TFAP2D: variants seen among roughly 807,000 people sequenced by gnomAD.
The protein encoded by TFAP2D is transcription factor AP-2-delta.
TFAP2D carries 9 observed loss-of-function variants against 43.6 expected under a neutral mutation model. The ratio of observed to expected loss-of-function variants is 0.21; its 90% confidence interval spans 0.12 to 0.36. The LOEUF (loss-of-function observed/expected upper bound fraction) is 0.36. Among genes scored for constraint, TFAP2D ranks in the 10% least tolerant of loss-of-function variants. TFAP2D has a pLI of 1.00. For missense variants in TFAP2D, 513 were observed against 561.4 expected (o/e 0.91, Z 0.87); for synonymous variants, 256 against 224.9 (o/e 1.14, Z -1.24).
chr6:50,733,739 C>T (rs1768925129), intron 5 of TFAP2D, among the ~76,000 whole-genome samples: 1 of 151,994 alleles, frequency 6.6e-6, no homozygotes, highest in South Asian at 2.1e-4. Context: ...CATATCACTC[C>T]CTTCTTATCT....
intron 1 of TFAP2D, among the ~76,000 whole-genome samples, chr6:50,714,578 A>T (rs1404860760): frequency 6.6e-6 from 1 of 152,186 alleles, no homozygotes; most frequent in Non-Finnish European, 1.5e-5. Context: ...CGATTTGCAC[A>T]GACTGGATTT....
Position 50,715,447 on chromosome 6 carries a change from C to T in TFAP2D, c.371C>T (p.Ser124Leu). Residue 124 changes from serine to leucine, a missense_variant, in exon 2 of 8, where the codon TCG becomes TTG. Transcript: ENST00000008391. Reference protein sequence around the residue: ...INLHNARALKSSCLDEQRREL... With the variant: ...INLHNARALKLSCLDEQRREL... ...CTGCACAATGCGCGGGCGCTCAAGT[C>T]GTCCTGCCTGGACGAGCAGAGGCGG... The T allele has an allele frequency of 6.2e-7, 1 of 1,614,162 alleles. No homozygotes were observed. Among genetic ancestry groups the T allele is most frequent in the Non-Finnish European group, 8.5e-7 (1 of 1,180,038 alleles).
chr6:50,768,273 C>CTT lies in TFAP2D; in HGVS notation c.1140-4357_1140-4356dup, dbSNP rs67686384. On this transcript the variant is annotated intron_variant, in intron 7 of 7. Transcript: ENST00000008391. ...AGTCAGACCTTCTATTTCTAATTTT[C>CTT]TTTTTTTTTTTTTTTTGGAGATTCT... 1.7e-3 allele frequency among the ~76,000 whole-genome samples: 129 copies of CTT among 77,258 alleles called. 1 individual carries two copies. Among genetic ancestry groups the CTT allele is most frequent in the South Asian group, 2.4e-3 (5 of 2,122 alleles). 50.7% of individuals were successfully genotyped at this position (77,258 alleles called of 152,430 possible). A position where few individuals can be genotyped will look rare whatever the true frequency, so the allele number is the denominator to read the frequency against.
At chr6:50,745,010 G>T in intron 5 of TFAP2D, 97 bp from the exon 6 acceptor site, 1 of 1,449,894 alleles carries the variant, frequency 6.9e-7, no homozygotes, top group Non-Finnish European at 9.3e-7. Flanking sequence ...TGATTTGTCT[G>T]ACCACAGCCA....
chr6:50,738,437 T>C (rs993206301), intron 5 of TFAP2D, among the ~76,000 whole-genome samples: 3 of 152,132 alleles, frequency 2.0e-5, no homozygotes, highest in African/African-American at 7.2e-5. Flanking sequence ...TTAGTTTTAA[T>C]TGCAACACTG....
intron 5 of TFAP2D, among the ~76,000 whole-genome samples, chr6:50,742,589 GATAGA>G (rs1264488356): frequency 1.6e-4 from 22 of 140,822 alleles, no homozygotes; most frequent in Admixed American, 1.5e-3. Context: ...TAGATAGATA[GATAGA>G]TAGATAGATA....
intron 7 of TFAP2D, among the ~76,000 whole-genome samples, chr6:50,756,230 A>G (rs1348864809): frequency 6.6e-6 from 1 of 152,030 alleles, no homozygotes; most frequent in Non-Finnish European, 1.5e-5. Context: ...CCATTAGCTC[A>G]AGAGAAAGAT....
At chr6:50,728,285 C>T (rs1348110641) in intron 3 of TFAP2D, among the ~76,000 whole-genome samples, 1 of 152,126 alleles carries the variant, frequency 6.6e-6, no homozygotes, top group East Asian at 1.9e-4. Flanking sequence ...CCTATCATCA[C>T]CTGTATGGAT....
rs1483270629 is a variant in TFAP2D at position 50,713,669 on chromosome 6, C to T, written c.-387C>T. ...AAAGAACCTCCAGTTCCTTATTAGG[C>T]GAAGATACAATATTTATTCCTTGTC... On this transcript the variant is annotated 5_prime_UTR_variant, in exon 1 of 8. Coordinates refer to ENST00000008391, the MANE Select transcript of TFAP2D (RefSeq NM_172238.4). Among the ~76,000 whole-genome samples the T allele has an allele frequency of 3.9e-5, 6 of 152,084 alleles. No homozygotes were observed. The highest frequency in any genetic ancestry group is 3.3e-4 in the Admixed American group (5 of 15,260).
intron 7 of TFAP2D, among the ~76,000 whole-genome samples, chr6:50,760,420 C>T (rs997081858): frequency 6.6e-6 from 1 of 151,952 alleles, no homozygotes; most frequent in African/African-American, 2.4e-5. Context: ...GGGACACATA[C>T]ATTACTATTT....
intron 2 of TFAP2D, 128 bp downstream of exon 2, chr6:50,715,741 TCTCTCTCTCA>T (rs1234408693): frequency 6.6e-5 from 48 of 724,270 alleles, no homozygotes; most frequent in African/African-American, 2.8e-4. Context: ...TCTCTCTCTC[TCTCTCTCTCA>T]CACACACACA....
chr6:50,725,664 A>G (rs1372717347), intron 3 of TFAP2D, among the ~76,000 whole-genome samples: 1 of 152,224 alleles, frequency 6.6e-6, no homozygotes, highest in Non-Finnish European at 1.5e-5. Flanking sequence ...GTTTCATAAC[A>G]TTCTTCTTTG....
At chr6:50,740,206 C>T (rs1769021057) in intron 5 of TFAP2D, among the ~76,000 whole-genome samples, 1 of 152,116 alleles carries the variant, frequency 6.6e-6, no homozygotes. Flanking sequence ...GAGTTTAACA[C>T]ATACAAATTG....
intron 7 of TFAP2D, among the ~76,000 whole-genome samples, chr6:50,760,024 G>A (rs1295001554): frequency 3.3e-5 from 5 of 151,880 alleles, no homozygotes; most frequent in Non-Finnish European, 7.4e-5. Flanking sequence ...TGTTTTTTTG[G>A]TTAAAGAAAC....
chr6:50,714,154 G>C, intron 1 of TFAP2D, 60 bp downstream of exon 1: 1 of 1,537,344 alleles, frequency 6.5e-7, no homozygotes, highest in East Asian at 2.3e-5. Context: ...GGCGGCGGCG[G>C]TGGCGGCGGT....
chr6:50,714,226 A>G, intron 1 of TFAP2D, 132 bp downstream of exon 1: 1 of 1,030,844 alleles, frequency 9.7e-7, no homozygotes. Flanking sequence ...GTTTAATTAT[A>G]ATCTGTCTTT....
intron 5 of TFAP2D, among the ~76,000 whole-genome samples, chr6:50,740,839 G>A (rs1265901084): frequency 6.6e-6 from 1 of 152,108 alleles, no homozygotes; most frequent in African/African-American, 2.4e-5. Context: ...TAAAACTCAG[G>A]ATCTTGGCAC....
intron 7 of TFAP2D, among the ~76,000 whole-genome samples, chr6:50,757,493 T>TA (rs1429307799): frequency 2.1e-5 from 2 of 96,134 alleles, no homozygotes; most frequent in East Asian, 6.6e-4. Context: ...ATATATATAA[T>TA]ATATATAATT....
At chr6:50,716,321 A>C (rs910108435) in intron 2 of TFAP2D, among the ~76,000 whole-genome samples, 2 of 152,236 alleles carry the variant, frequency 1.3e-5, no homozygotes, top group African/African-American at 4.8e-5. Flanking sequence ...ACCGCAGCCC[A>C]GTTAGGTAAT....
Sources: gnomAD v4.1 joint callset for allele counts (sites outside exome capture counted in the v4.1 genomes callset) on GRCh38, gnomAD v4.1.1 for gene constraint, MANE v1.5 for transcripts, NCBI Gene and HGNC (gene_info 2026-07-23, HGNC 2026-07-21) for gene names.